GUCY2F: variants seen among roughly 807,000 people sequenced by gnomAD.
GUCY2F encodes the protein retinal guanylyl cyclase 2.
GUCY2F carries 61 observed loss-of-function variants against 73.1 expected under a neutral mutation model. The ratio of observed to expected loss-of-function variants is 0.83; its 90% CI spans 0.68 to 1.03. GUCY2F has a LOEUF of 1.03. Ranked by LOEUF, GUCY2F falls within the 50% of genes least tolerant of loss-of-function variation. The probability of loss-of-function intolerance (pLI) is 0.00; values close to 1 mark genes in which losing one functional copy is unlikely to be tolerated. For missense variants in GUCY2F, 912 were observed against 854.3 expected (o/e 1.07, Z -0.84); for synonymous variants, 331 against 307.8 (o/e 1.08, Z -0.79).
Position 109,393,029 on chromosome X carries a change from C to G in GUCY2F, c.2451G>C (p.Lys817Asn), listed in dbSNP as rs1276497715. 9.1e-7 allele frequency: 1 copy of G among 1,099,152 alleles called. No individual in the cohort carries two copies. The highest frequency in any genetic ancestry group is 1.8e-5 in the African/African-American group (1 of 54,422). 90.6% of individuals were successfully genotyped at this position (1,099,152 alleles called of 1,213,427 possible). Residue 817 changes from lysine (K) to asparagine (N), a missense_variant, in exon 13 of 20, where the codon AAG (lysine) becomes AAC (asparagine). Coordinates refer to ENST00000218006, the MANE Select transcript of GUCY2F (RefSeq NM_001522.3). ...GAAGCATAGAATCAATAATATTGGT[C>G]TTCTTCCCTTTATTAAAAGTTTTAA... ...NQFKTFNKGK[K>N]TNIIDSMLRM... is the part of the protein sequence containing the mutation.
At chrX:109,376,285 G>A (rs1398629212) in intron 17 of GUCY2F, 118 bp from the exon 18 acceptor site, 9 of 494,900 alleles carry the variant, frequency 1.8e-5, no homozygotes, top group East Asian at 3.5e-5. Flanking sequence ...TCCTCCCTAC[G>A]GGGCTGAGCC....
Position 109,395,495 on chromosome X carries a change from C to G in GUCY2F, c.2276-6G>C, listed in dbSNP as rs1313009433. The G allele has an allele frequency of 2.5e-6, 3 of 1,191,393 alleles. No individual in the cohort carries two copies. Among genetic ancestry groups the G allele is most frequent in the Non-Finnish European group, 2.3e-6 (2 of 881,475 alleles). On this transcript the variant is annotated splice_region_variant and splice_polypyrimidine_tract_variant and intron_variant, in intron 11 of 19. Coordinates refer to ENST00000218006, the MANE Select transcript of GUCY2F (RefSeq NM_001522.3). Reference sequence around the variant, plus strand: ...CTTAAGTCTGTTTATGATTTCTGTCCAGATGCGAGAAGAGAACCGTTTACA... The same window carrying G: ...CTTAAGTCTGTTTATGATTTCTGTCGAGATGCGAGAAGAGAACCGTTTACA...
Position 109,463,433 on chromosome X carries a change from C to CTTTT in GUCY2F, c.1032+1705_1032+1708dup, listed in dbSNP as rs755756631. ...AGATTCTGGGAAAGATTTCCTCACT[C>CTTTT]TTTTTTTTTTTTTTTTTTTTTGGAG... On this transcript the variant is annotated intron_variant, in intron 3 of 19. Transcript: ENST00000218006. Among the ~76,000 whole-genome samples the CTTTT allele has an allele frequency of 1.3e-3, 112 of 83,972 alleles. 2 individuals are homozygous for CTTTT. The highest frequency in any genetic ancestry group is 4.9e-3 in the African/African-American group (95 of 19,281). The allele number at this position is 83,972 out of a possible 115,157, so 72.9% of individuals were successfully genotyped here.
At chrX:109,423,815 C>T (rs1011876733) in intron 8 of GUCY2F, among the ~76,000 whole-genome samples, 9 of 109,290 alleles carry the variant, frequency 8.2e-5, no homozygotes, top group Non-Finnish European at 1.7e-4. Context: ...TAAAGTCAAC[C>T]ATCACAGCTT....
At chrX:109,418,167 C>T (rs1042989507) in intron 8 of GUCY2F, among the ~76,000 whole-genome samples, 1 of 111,417 alleles carries the variant, frequency 9.0e-6, no homozygotes, top group African/African-American at 3.2e-5. Context: ...TATGTACGTA[C>T]TTAATAACAG....
chrX:109,453,670 T>C lies in GUCY2F; in HGVS notation c.1222A>G (p.Ile408Val), dbSNP rs1479444489. 1.7e-6 allele frequency: 2 copies of C among 1,204,861 alleles called. No homozygotes were observed. The highest frequency in any genetic ancestry group is 2.2e-6 in the Non-Finnish European group (2 of 889,278). ...SNGNGISEYV[I>V]LDTNLKEWEL... ...CATTCTTTCAAGTTGGTGTCCAGGATTACATATTCTGAAATTCCATTTCCA... is the reference window on the plus strand; with the variant it reads ...CATTCTTTCAAGTTGGTGTCCAGGACTACATATTCTGAAATTCCATTTCCA... The change falls in exon 4 of 20, where the codon ATC becomes GTC. Residue 408 changes from isoleucine to valine, a missense_variant. By Grantham distance (29) the Ile-to-Val change is conservative. Coordinates refer to ENST00000218006, the MANE Select transcript of GUCY2F (RefSeq NM_001522.3).
intron 1 of GUCY2F, among the ~76,000 whole-genome samples, chrX:109,480,075 G>A (rs1435416947): frequency 1.8e-5 from 2 of 111,409 alleles, no homozygotes; most frequent in African/African-American, 6.5e-5. Flanking sequence ...TAATACTGAA[G>A]AGGAGATATG....
intron 5 of GUCY2F, among the ~76,000 whole-genome samples, chrX:109,450,732 G>A (rs921835749): frequency 5.4e-5 from 6 of 111,867 alleles, no homozygotes; most frequent in African/African-American, 9.8e-5. Context: ...GACTCTGTGC[G>A]ACTTTATCAA....
chrX:109,437,906 A>G (rs1323991255), intron 7 of GUCY2F, among the ~76,000 whole-genome samples: 1 of 112,613 alleles, frequency 8.9e-6, no homozygotes, highest in Non-Finnish European at 1.9e-5. Context: ...TTGAGAGAGT[A>G]GAGCTGACAA....
chrX:109,396,109 C>T (rs2147255547), intron 11 of GUCY2F, among the ~76,000 whole-genome samples: 1 of 111,871 alleles, frequency 8.9e-6, no homozygotes, highest in East Asian at 2.8e-4. Context: ...AATTTTATAG[C>T]TAGGGAAACT....
At position 109,402,521 on chromosome X, in the gene GUCY2F, C is replaced by T. The variant is rs370672037; in HGVS notation, c.2125+1807G>A. 3.1e-4 allele frequency among the ~76,000 whole-genome samples: 34 copies of T among 110,354 alleles called. No individual in the cohort carries two copies. In the East Asian group the frequency reaches 8.8e-3, roughly 29 times the overall value. On this transcript the variant is annotated intron_variant, in intron 10 of 19. Transcript: ENST00000218006. ...CTGAGTAGCTGGGATTATAGAAGCG[C>T]GCCACCACGCCCAGCTAATTTTTGT...
intron 10 of GUCY2F, among the ~76,000 whole-genome samples, chrX:109,402,585 T>C (rs865945): frequency 1.4e-4 from 15 of 110,881 alleles, no homozygotes; most frequent in Non-Finnish European, 2.5e-4. Context: ...GCTGGCCAGG[T>C]TGGTCTCGAA....
intron 8 of GUCY2F, among the ~76,000 whole-genome samples, chrX:109,422,258 C>T (rs1164822186): frequency 9.0e-6 from 1 of 111,344 alleles, no homozygotes; most frequent in Non-Finnish European, 1.9e-5. Context: ...TTTATAAACA[C>T]AATGAAACAT....
chrX:109,440,513 T>A (rs757566388), intron 7 of GUCY2F, among the ~76,000 whole-genome samples: 1 of 112,248 alleles, frequency 8.9e-6, no homozygotes, highest in Non-Finnish European at 1.9e-5. Flanking sequence ...TGGTTGACAA[T>A]CTAAAAACTC....
At chrX:109,474,360 A>T (rs1462666077) in intron 2 of GUCY2F, among the ~76,000 whole-genome samples, 1 of 111,530 alleles carries the variant, frequency 9.0e-6, no homozygotes, top group Non-Finnish European at 1.9e-5. Flanking sequence ...AGGTTAAAAA[A>T]TTGGAATAGA....
At chrX:109,398,250 C>T (rs916001342) in intron 11 of GUCY2F, among the ~76,000 whole-genome samples, 3 of 109,881 alleles carry the variant, frequency 2.7e-5, no homozygotes, top group Non-Finnish European at 5.7e-5. Context: ...CAGGGAGTGT[C>T]TCAAAGGAGT....
At chrX:109,417,347 AGG>A (rs1931268635) in intron 8 of GUCY2F, among the ~76,000 whole-genome samples, 1 of 111,405 alleles carries the variant, frequency 9.0e-6, no homozygotes, top group Non-Finnish European at 1.9e-5. Flanking sequence ...AAAGAATAGT[AGG>A]CTAGTAAATG....
intron 16 of GUCY2F, among the ~76,000 whole-genome samples, 156 bp from the exon 17 acceptor site, chrX:109,382,368 G>A (rs181739100): frequency 1.8e-5 from 2 of 112,334 alleles, no homozygotes; most frequent in Admixed American, 9.4e-5. Context: ...AGGAGGAGAC[G>A]GAGTGATGGC....
At chrX:109,382,923 G>C (rs1007482882) in intron 16 of GUCY2F, among the ~76,000 whole-genome samples, 3 of 112,032 alleles carry the variant, frequency 2.7e-5, no homozygotes, top group Non-Finnish European at 5.6e-5. Context: ...ACTCAGGTAA[G>C]ATCCTTGACA....
Sources: gnomAD v4.1 joint callset for allele counts (sites outside exome capture counted in the v4.1 genomes callset) on GRCh38, gnomAD v4.1.1 for gene constraint, MANE v1.5 for transcripts, NCBI Gene and HGNC (gene_info 2026-07-23, HGNC 2026-07-21) for gene names.